The following PARD3 variants were observed in gnomAD, a reference collection of about 807,000 sequenced individuals.
PARD3 encodes the protein partitioning defective 3 homolog.
PARD3 carries 75 observed loss-of-function variants against 155.4 expected under a neutral mutation model. That is an observed-to-expected ratio of 0.48 (90% CI 0.40 to 0.58). PARD3 has a LOEUF of 0.58. Among genes scored for constraint, PARD3 ranks in the 20% least tolerant of loss-of-function variants. The pLI is 0.00. For synonymous variants in PARD3, 576 were observed against 610.5 expected (o/e 0.94, Z 0.83); for missense variants, 1,642 against 1,721.7 (o/e 0.95, Z 0.82).
At chr10:34,681,856 A>G (rs1182587644) in intron 2 of PARD3, among the ~76,000 whole-genome samples, 1 of 137,018 alleles carries the variant, frequency 7.3e-6, no homozygotes, top group East Asian at 2.2e-4. Flanking sequence ...CCTGGGCTCA[A>G]GCAGACCTCC....
intron 2 of PARD3, among the ~76,000 whole-genome samples, chr10:34,595,209 C>T (rs148879365): frequency 2.6e-5 from 4 of 152,286 alleles, no homozygotes; most frequent in South Asian, 4.1e-4. Flanking sequence ...TCTTCCATTC[C>T]GGCTTTGAAG....
intron 22 of PARD3, among the ~76,000 whole-genome samples, chr10:34,233,133 G>A (rs1159855731): frequency 7.2e-6 from 1 of 138,776 alleles, no homozygotes; most frequent in Non-Finnish European, 1.5e-5. Flanking sequence ...CTTGCCTCCC[G>A]TAAACTCTTC....
intron 2 of PARD3, among the ~76,000 whole-genome samples, chr10:34,627,047 T>A (rs1310443830): frequency 6.7e-6 from 1 of 148,356 alleles, no homozygotes; most frequent in East Asian, 2.0e-4. Flanking sequence ...GGAGATGGGG[T>A]CTTATTCTAT....
intron 23 of PARD3, among the ~76,000 whole-genome samples, chr10:34,127,384 C>A (rs138727077): frequency 1.2e-4 from 19 of 152,290 alleles, no homozygotes; most frequent in East Asian, 1.2e-3. Context: ...TTCTGACCAC[C>A]GCACACTGAT....
intron 2 of PARD3, among the ~76,000 whole-genome samples, chr10:34,632,315 A>G (rs1209636403): frequency 6.6e-6 from 1 of 152,130 alleles, no homozygotes; most frequent in Non-Finnish European, 1.5e-5. Flanking sequence ...CATTCCCTAG[A>G]TCACCCCCAT....
chr10:34,811,512 C>T (rs978771701), intron 1 of PARD3, among the ~76,000 whole-genome samples: 9 of 152,116 alleles, frequency 5.9e-5, no homozygotes, highest in Non-Finnish European at 1.5e-5. Context: ...ACCAACCAAG[C>T]CCAGTTCAAA....
rs1217032615 is a variant in PARD3 at position 34,243,086 on chromosome 10, A to T, written c.3419+26571T>A. 2.0e-5 allele frequency among the ~76,000 whole-genome samples: 3 copies of T among 152,248 alleles called. No homozygotes were observed. The East Asian group carries it at 5.8e-4, about 29-fold the overall frequency. ...ATACAATATTTAAAATTTGTGTTACACACAGAACCAATTATAATTACCTAG... is the reference window on the plus strand; with the variant it reads ...ATACAATATTTAAAATTTGTGTTACTCACAGAACCAATTATAATTACCTAG... On this transcript the variant is annotated intron_variant, in intron 22 of 24. Coordinates refer to ENST00000374788, the MANE Select transcript of PARD3 (RefSeq NM_001184785.2).
chr10:34,799,456 G>C (rs1842640634), intron 1 of PARD3, among the ~76,000 whole-genome samples: 1 of 152,140 alleles, frequency 6.6e-6, no homozygotes, highest in African/African-American at 2.4e-5. Context: ...AGAGAAGCAA[G>C]GGTCTTTGAC....
At chr10:34,250,256 A>T (rs905931939) in intron 22 of PARD3, among the ~76,000 whole-genome samples, 2 of 152,172 alleles carry the variant, frequency 1.3e-5, no homozygotes, top group East Asian at 3.8e-4. Flanking sequence ...TGAATGCTGG[A>T]AACATCTTAA....
intron 2 of PARD3, among the ~76,000 whole-genome samples, chr10:34,604,251 G>C (rs978970111): frequency 2.0e-5 from 3 of 152,094 alleles, no homozygotes; most frequent in Non-Finnish European, 2.9e-5. Flanking sequence ...ATGAACCCTG[G>C]GTGTGTCTGT....
In PARD3 at chr10:34,774,371, A is replaced by C. The variant is rs1187128974; in HGVS notation, c.120+40505T>G. Among the ~76,000 whole-genome samples, 3 of 152,202 alleles carry C rather than the reference A, an allele frequency of 2.0e-5. No homozygotes were observed. In the East Asian group the frequency reaches 5.8e-4, roughly 29 times the overall value. Reference sequence around the variant, plus strand: ...CTTGAAAATTACTTAAATAGCACACACAGTAAGCACATGTGGTTTTCTGAG... The same window carrying C: ...CTTGAAAATTACTTAAATAGCACACCCAGTAAGCACATGTGGTTTTCTGAG... On this transcript the variant is annotated intron_variant, in intron 1 of 24. Transcript: ENST00000374788.
At chr10:34,726,225 G>T (rs2094708312) in intron 1 of PARD3, among the ~76,000 whole-genome samples, 1 of 152,230 alleles carries the variant, frequency 6.6e-6, no homozygotes, top group Non-Finnish European at 1.5e-5. Flanking sequence ...GGAGGTGGGT[G>T]AATCACCTAA....
intron 2 of PARD3, among the ~76,000 whole-genome samples, chr10:34,640,737 G>T (rs1241030312): frequency 5.1e-5 from 1 of 19,624 alleles, no homozygotes; most frequent in African/African-American, 1.2e-4. Context: ...AAAAAAAAAA[G>T]CACTTTTAGG....
chr10:34,447,521 G>T (rs2132735499), intron 5 of PARD3, among the ~76,000 whole-genome samples: 1 of 101,116 alleles, frequency 9.9e-6, no homozygotes, highest in South Asian at 3.2e-4. Context: ...AAAAAAAAAG[G>T]GCCAGTTGCT....
rs770278879 is a variant in PARD3, at chr10:34,382,808, G to A, written c.1131C>T (p.Tyr377=). Residue 377 remains tyrosine (Y), a synonymous_variant, in exon 9 of 25, where the codon TAC becomes TAT. Coordinates refer to ENST00000374788, the MANE Select transcript of PARD3 (RefSeq NM_001184785.2). ...TGTCAGGGCTAAAACGGCTTGAATA[G>A]TAATTGTTCTTCTCACTTTGGGATA... ...EQLSQSEKNN[Y]YSSRFSPDSQ... is the part of the protein sequence containing the mutation. 19 of 1,614,040 alleles carry A rather than the reference G, an allele frequency of 1.2e-5. No individual in the cohort carries two copies. The African/African-American group carries it at 2.3e-4, about 19-fold the overall frequency.
At chr10:34,606,155 AATGTGTGTGT>A (rs2090402544) in intron 2 of PARD3, among the ~76,000 whole-genome samples, 1 of 106,674 alleles carries the variant, frequency 9.4e-6, no homozygotes, top group African/African-American at 3.4e-5. Context: ...TATAAAGGGA[AATGTGTGTGT>A]GTGTGTGTGT....
chr10:34,324,143 CA>C (rs1958540628), intron 19 of PARD3, among the ~76,000 whole-genome samples: 1 of 152,076 alleles, frequency 6.6e-6, no homozygotes, highest in Non-Finnish European at 1.5e-5. Flanking sequence ...GAGTGAAACA[CA>C]AAAATTAACA....
intron 2 of PARD3, among the ~76,000 whole-genome samples, chr10:34,676,374 T>C (rs1297501575): frequency 6.6e-6 from 1 of 152,170 alleles, no homozygotes; most frequent in African/African-American, 2.4e-5. Context: ...AAAGTCTGTC[T>C]TTCTTAGCAG....
intron 20 of PARD3, among the ~76,000 whole-genome samples, chr10:34,292,786 A>G (rs1956737336): frequency 6.6e-6 from 1 of 152,086 alleles, no homozygotes. Context: ...TAAATGTGCA[A>G]TGCAACCTTA....
Sources: gnomAD v4.1 joint callset for allele counts (sites outside exome capture counted in the v4.1 genomes callset) on GRCh38, gnomAD v4.1.1 for gene constraint, MANE v1.5 for transcripts, NCBI Gene and HGNC (gene_info 2026-07-23, HGNC 2026-07-21) for gene names.